The following ATPAF2 variants were observed in gnomAD, a reference collection of about 807,000 sequenced individuals.
The protein encoded by ATPAF2 is ATP synthase mitochondrial F1 complex assembly factor 2.
Under a neutral mutation model 36.6 loss-of-function variants are expected in ATPAF2, and 30 were observed. The ratio of observed to expected loss-of-function variants is 0.82; its 90% CI spans 0.61 to 1.11. ATPAF2 has a LOEUF of 1.11. ATPAF2 is among the 50% of genes most tolerant of loss of function. The pLI is 0.00. For synonymous variants in ATPAF2, 140 were observed against 152.6 expected, an observed-to-expected ratio of 0.92 and a Z score of 0.61; for missense variants, 321 against 372.3, an observed-to-expected ratio of 0.86 and a Z score of 1.13.
chr17:18,016,873 TAAA>T (rs5819640), downstream of ATPAF2: 15,768 of 301,350 alleles, frequency 0.052, 2 homozygotes, highest in East Asian at 0.19. Flanking sequence ...CCCCTACTCA[TAAA>T]AAAAAAAAAA....
Position 18,039,053 on chromosome 17 carries a change from G to A in ATPAF2, c.-40C>T. ...TGGGAAGATGCGAGACGCGAAACCT[G>A]GAGCAGGAAACACAGAGCGATGGGA... On this transcript the variant is annotated 5_prime_UTR_variant, in exon 1 of 8. Transcript: ENST00000474627. This position sits in a 1 kb window ranked among gnomAD's most constrained non-coding sequence, Gnocchi z 5.3. 3 of 1,562,396 alleles carry A rather than the reference G, an allele frequency of 1.9e-6. No homozygotes were observed. Among genetic ancestry groups the A allele is most frequent in the Non-Finnish European group, 2.6e-6 (3 of 1,153,338 alleles).
At chr17:18,020,228 T>C (rs1172599624) in intron 7 of ATPAF2, among the ~76,000 whole-genome samples, 2 of 152,146 alleles carry the variant, frequency 1.3e-5, no homozygotes, top group Non-Finnish European at 2.9e-5. Flanking sequence ...AGTTAAAAAA[T>C]GCAAACCATA....
At chr17:18,021,540 T>C in intron 6 of ATPAF2, 1 of 634,688 alleles carries the variant, frequency 1.6e-6, no homozygotes, top group Non-Finnish European at 2.8e-6. Flanking sequence ...TCAAGACTTC[T>C]GCTGGCGAAG....
Position 18,024,526 on chromosome 17 carries a change from A to G in ATPAF2, c.503+98T>C, listed in dbSNP as rs1396929602. 7 of 985,942 alleles carry G rather than the reference A, an allele frequency of 7.1e-6. No homozygotes were observed. In the African/African-American group the frequency reaches 9.5e-5, roughly 13 times the overall value. The allele number at this position is 985,942 out of a possible 1,614,324, so 61.1% of individuals were successfully genotyped here. On this transcript the variant is annotated intron_variant, in intron 5 of 7. Transcript: ENST00000474627. ...GTGCTCTGAAATCAGAAAGCTGACT[A>G]GCTAAGGGCACTAGTTTTCCAGCGT...
intron 7 of ATPAF2, among the ~76,000 whole-genome samples, chr17:18,019,541 C>T (rs2044438182): frequency 6.6e-6 from 1 of 152,292 alleles, no homozygotes; most frequent in Admixed American, 6.5e-5. Context: ...ACAGATGCCT[C>T]TGCTCTGCAC....
rs975918169 is a variant in ATPAF2, at chr17:18,018,200, C to T, written c.*349G>A. 2.7e-6 allele frequency: 1 copy of T among 364,284 alleles called. No homozygotes were observed. The highest frequency in any genetic ancestry group is 2.4e-5 in the South Asian group (1 of 42,550). The allele number at this position is 364,284 out of a possible 1,614,324, so 22.6% of individuals were successfully genotyped here. On this transcript the variant is annotated 3_prime_UTR_variant, in exon 8 of 8. Transcript: ENST00000474627. ...AGATAAGCTGTTTAACCCTCTGGAA[C>T]CTAGACAAAACAGGAAGAATGGAGA...
downstream of ATPAF2, chr17:18,016,594 G>A (rs367996323): frequency 1.9e-5 from 31 of 1,613,776 alleles, no homozygotes; most frequent in African/African-American, 2.7e-5. Context: ...CCGCAAGCGC[G>A]TGAAGGAGAT....
At chr17:18,030,320 C>CAAAAAAAAAAAAAAA (rs1162130285) in intron 1 of ATPAF2, among the ~76,000 whole-genome samples, 7 of 64,110 alleles carry the variant, frequency 1.1e-4, no homozygotes, top group African/African-American at 1.3e-4. Context: ...GACTCCATCT[C>CAAAAAAAAAAAAAAA]AAAAAAAAAA....
rs766735797 is a variant in ATPAF2, at chr17:18,024,710, T to G, written c.423-6A>C. 6.2e-7 allele frequency: 1 copy of G among 1,611,152 alleles called. No individual in the cohort carries two copies. The highest frequency in any genetic ancestry group is 2.2e-5 in the East Asian group (1 of 44,856). On this transcript the variant is annotated splice_region_variant and splice_polypyrimidine_tract_variant and intron_variant, in intron 4 of 7. Coordinates refer to ENST00000474627, the MANE Select transcript of ATPAF2 (RefSeq NM_145691.4). ...CGGGCTCCTCCACCCTGTAGCTAAT[T>G]CATTGTAAAAATAACCTTCATTAAT...
intron 3 of ATPAF2, chr17:18,027,947 T>A (rs555079035): frequency 2.1e-6 from 1 of 469,594 alleles, no homozygotes; most frequent in East Asian, 4.0e-5. Context: ...CCAGCTGCTG[T>A]CATAGAAAAT....
downstream of ATPAF2, chr17:18,016,626 G>A: frequency 6.2e-7 from 1 of 1,613,830 alleles, no homozygotes. Context: ...TCGACCACAT[G>A]CAGAGCGAAC....
Position 18,019,177 on chromosome 17 carries a change from A to ACACACACACACACACACACACACAC in ATPAF2, c.733-492_733-491insGTGTGTGTGTGTGTGTGTGTGTGTG, listed in dbSNP as rs1369930465. Among the ~76,000 whole-genome samples the ACACACACACACACACACACACACAC allele has an allele frequency of 3.3e-5, 5 of 151,454 alleles. No homozygotes were observed. In the East Asian group the frequency reaches 9.8e-4, roughly 30 times the overall value. On this transcript the variant is annotated intron_variant, in intron 7 of 7. Coordinates refer to ENST00000474627, the MANE Select transcript of ATPAF2 (RefSeq NM_145691.4). ...CACACACACACACACACACACACAC[A>ACACACACACACACACACACACACAC]CACACACACCCCACCACCCCACCCC... is the stretch of plus-strand genomic sequence containing the variant.
At chr17:18,016,255 TCCTC>T, downstream of ATPAF2, 1 of 1,569,900 alleles carries the variant, frequency 6.4e-7, no homozygotes, top group Non-Finnish European at 8.8e-7. Flanking sequence ...GACATGGAAA[TCCTC>T]CCTAGGTAGT....
chr17:18,019,147 C>CCACACACA (rs138932269), intron 7 of ATPAF2, among the ~76,000 whole-genome samples: 30,820 of 135,338 alleles, frequency 0.23, 3,623 homozygotes, highest in Admixed American at 0.27. Flanking sequence ...CTCAAAAACA[C>CCACACACA]CACACACACA....
chr17:18,024,761 T>C (rs2044521171), intron 4 of ATPAF2, 57 bp from the exon 5 acceptor site: 1 of 1,489,210 alleles, frequency 6.7e-7, no homozygotes, highest in Non-Finnish European at 9.4e-7. Flanking sequence ...CTTCATTCAG[T>C]GATAGAAAAG....
downstream of ATPAF2, chr17:18,016,459 T>A: frequency 1.1e-6 from 1 of 919,522 alleles, no homozygotes; most frequent in Non-Finnish European, 1.7e-6. Context: ...GGTTTGCAGA[T>A]CTAAAGGAAC....
chr17:18,017,171 C>CAAAAAAAAAAA (rs59274380), downstream of ATPAF2, among the ~76,000 whole-genome samples: 1 of 43,598 alleles, frequency 2.3e-5, no homozygotes, highest in Non-Finnish European at 4.5e-5. Flanking sequence ...GACTTCGTCT[C>CAAAAAAAAAAA]AAAAAAAAAA....
In ATPAF2 at chr17:18,019,263, TCCAGGC is replaced by T. The variant is rs370959799; in HGVS notation, c.733-583_733-578del. Among the ~76,000 whole-genome samples the T allele has an allele frequency of 2.6e-3, 392 of 151,688 alleles. 4 individuals carry two copies. Among genetic ancestry groups the T allele is most frequent in the African/African-American group, 9.0e-3 (371 of 41,280 alleles). On this transcript the variant is annotated intron_variant, in intron 7 of 7. Coordinates refer to ENST00000474627, the MANE Select transcript of ATPAF2 (RefSeq NM_145691.4). Reference sequence around the variant, plus strand: ...CATGGATGGTCTGGAAGAAGTGCAGTCCAGGCCCAGGCCCAGGGCCAGTGGCTGCCC... The same window carrying T: ...CATGGATGGTCTGGAAGAAGTGCAGTCCAGGCCCAGGGCCAGTGGCTGCCC...
chr17:18,034,828 T>G (rs1453720116), intron 1 of ATPAF2, among the ~76,000 whole-genome samples: 1 of 152,240 alleles, frequency 6.6e-6, no homozygotes, highest in Admixed American at 6.5e-5. Context: ...GAAACGACCC[T>G]GTGTCCACCA....
Sources: gnomAD v4.1 joint callset for allele counts (sites outside exome capture counted in the v4.1 genomes callset) on GRCh38, gnomAD v4.1.1 for gene constraint, Gnocchi (gnomAD v3.1) non-coding constraint, MANE v1.5 for transcripts, NCBI Gene and HGNC (gene_info 2026-07-23, HGNC 2026-07-21) for gene names.